Variants in NBEA observed in about 807,000 individuals in gnomAD.
NBEA encodes the protein neurobeachin, also known as lysosomal-trafficking regulator 2.
NBEA carries 44 observed loss-of-function variants against 343.4 expected under a neutral mutation model. That is an observed-to-expected ratio of 0.13 (90% confidence interval 0.10 to 0.16). NBEA has a LOEUF of 0.16. Ranked by LOEUF, NBEA falls within the 10% of genes least tolerant of loss-of-function variation. NBEA has a pLI of 1.00. For synonymous variants in NBEA, 1,175 were observed against 1,238.7 expected, an observed-to-expected ratio of 0.95 and a Z score of 1.08; for missense variants, 2,555 against 3,631.3, an observed-to-expected ratio of 0.70 and a Z score of 7.62.
At chr13:35,351,226 T>C (rs535469114) in intron 37 of NBEA, among the ~76,000 whole-genome samples, 1 of 152,002 alleles carries the variant, frequency 6.6e-6, no homozygotes, top group Non-Finnish European at 1.5e-5. Flanking sequence ...GTGAACTACT[T>C]CTATTTATTT....
intron 1 of NBEA, among the ~76,000 whole-genome samples, chr13:34,955,980 C>CATA (rs2059478148): frequency 6.6e-6 from 1 of 152,164 alleles, no homozygotes; most frequent in African/African-American, 2.4e-5. Flanking sequence ...CTAAAATTAA[C>CATA]CATCATAAGA....
intron 40 of NBEA, among the ~76,000 whole-genome samples, chr13:35,470,792 C>T (rs541767367): frequency 2.0e-5 from 3 of 152,314 alleles, no homozygotes; most frequent in Admixed American, 6.5e-5. Context: ...ACAGACCCTC[C>T]AATAAACACA....
chr13:35,485,136 T>C (rs573028179), intron 41 of NBEA, among the ~76,000 whole-genome samples: 1 of 152,220 alleles, frequency 6.6e-6, no homozygotes, highest in African/African-American at 2.4e-5. Flanking sequence ...CTTCAGCCAA[T>C]TGGAAGACTG....
chr13:35,123,705 T>C lies in NBEA; in HGVS notation c.2336+131T>C, dbSNP rs2066920588. 3 of 421,120 alleles carry C rather than the reference T, an allele frequency of 7.1e-6. No individual in the cohort carries two copies. The East Asian group carries it at 1.2e-4, about 17-fold the overall frequency. The allele number at this position is 421,120 out of a possible 1,614,324, so 26.1% of individuals were successfully genotyped here. A position where few individuals can be genotyped will look rare whatever the true frequency, so the allele number is the denominator to read the frequency against. The stretch of plus-strand genomic sequence containing the variant: ...AGCGGAAAATAATAGCTTTCTGTGG[T>C]AGAAATTGTAAAAATGTTTTATAAA... On this transcript the variant is annotated intron_variant, in intron 17 of 58. Coordinates refer to ENST00000379939, the MANE Select transcript of NBEA (RefSeq NM_001385012.1).
chr13:35,365,069 T>C (rs924012043), intron 38 of NBEA, among the ~76,000 whole-genome samples: 5 of 151,752 alleles, frequency 3.3e-5, no homozygotes, highest in African/African-American at 4.8e-5. Context: ...ATGTCTGTTA[T>C]TTGACATGAA....
Position 35,159,526 on chromosome 13 carries a change from A to G in NBEA, c.3355A>G (p.Lys1119Glu). The G allele has an allele frequency of 1.2e-6, 2 of 1,610,492 alleles. No individual in the cohort carries two copies. Among genetic ancestry groups the G allele is most frequent in the Non-Finnish European group, 1.7e-6 (2 of 1,178,300 alleles). ...TGTACATGGAAGTGTTGGTATCATT[A>G]AAAAAAATGAAGAAAAGGATAATGG... ...NNVHGSVGII[K>E]KNEEKDNGPL... The change falls in exon 22 of 59, where the codon AAA (lysine) becomes GAA (glutamate). Residue 1119 changes from lysine (K) to glutamate (E), a missense_variant. Around this residue, in one of 21 missense-constraint regions of NBEA, gnomAD observed 367 missense variants for 377.5 expected, o/e 0.97. Coordinates refer to ENST00000379939, the MANE Select transcript of NBEA (RefSeq NM_001385012.1).
intron 38 of NBEA, among the ~76,000 whole-genome samples, chr13:35,410,005 G>A (rs566805971): frequency 4.9e-4 from 75 of 151,816 alleles, no homozygotes; most frequent in Non-Finnish European, 7.9e-4. Flanking sequence ...TATTAGTGGG[G>A]GATCTTTTTG....
chr13:34,946,703 T>A (rs2059194646), intron 1 of NBEA, among the ~76,000 whole-genome samples: 1 of 150,922 alleles, frequency 6.6e-6, no homozygotes, highest in South Asian at 2.1e-4. Context: ...TCCTCTGATT[T>A]TTTTTTTTTT....
chr13:35,134,750 C>T (rs1217594376), intron 17 of NBEA, among the ~76,000 whole-genome samples: 3 of 151,620 alleles, frequency 2.0e-5, no homozygotes, highest in Admixed American at 6.6e-5. Flanking sequence ...CATGAAGAAA[C>T]GAGAAAAATA....
chr13:35,574,659 G>T (rs1593262657), intron 45 of NBEA, among the ~76,000 whole-genome samples: 1 of 152,082 alleles, frequency 6.6e-6, no homozygotes, highest in East Asian at 1.9e-4. Flanking sequence ...GCAGAGTCAG[G>T]AGGATTGCTT....
chr13:35,566,721 A>T (rs1423925994), intron 44 of NBEA, among the ~76,000 whole-genome samples, 184 bp from the exon 45 acceptor site: 1 of 152,226 alleles, frequency 6.6e-6, no homozygotes, highest in Non-Finnish European at 1.5e-5. Context: ...TAGTAATTCT[A>T]GTTACGTCTT....
At chr13:35,330,353 C>T (rs1733289343) in intron 36 of NBEA, among the ~76,000 whole-genome samples, 1 of 151,970 alleles carries the variant, frequency 6.6e-6, no homozygotes, top group Admixed American at 6.6e-5. Context: ...ATTTAAGTGG[C>T]ACTTTAGCTG....
chr13:35,139,492 A>G (rs2067947733), intron 17 of NBEA, among the ~76,000 whole-genome samples: 1 of 152,324 alleles, frequency 6.6e-6, no homozygotes, highest in African/African-American at 2.4e-5. Flanking sequence ...GTAAAAAAAA[A>G]TAGATTACAC....
chr13:35,488,638 C>T (rs2076389281), intron 41 of NBEA, among the ~76,000 whole-genome samples: 1 of 151,820 alleles, frequency 6.6e-6, no homozygotes, highest in Non-Finnish European at 1.5e-5. Flanking sequence ...AACCTTTTGA[C>T]AATAACAAGA....
chr13:35,537,786 G>T (rs914900513), intron 41 of NBEA, among the ~76,000 whole-genome samples: 5 of 152,152 alleles, frequency 3.3e-5, no homozygotes, highest in Non-Finnish European at 7.4e-5. Context: ...CTGAACAAAG[G>T]CCAGTGTGGC....
intron 18 of NBEA, among the ~76,000 whole-genome samples, chr13:35,147,349 A>G (rs1338566220): frequency 2.6e-5 from 4 of 152,238 alleles, no homozygotes; most frequent in African/African-American, 9.6e-5. Context: ...AGAGTGAGAA[A>G]GCCCAGAATT....
chr13:35,145,235 G>A (rs1333988247), intron 18 of NBEA, among the ~76,000 whole-genome samples: 1 of 152,172 alleles, frequency 6.6e-6, no homozygotes, highest in East Asian at 1.9e-4. Context: ...TAAATCATGG[G>A]ATCAAAATCT....
chr13:34,969,867 G>A (rs1423815916), intron 1 of NBEA, among the ~76,000 whole-genome samples: 1 of 151,860 alleles, frequency 6.6e-6, no homozygotes, highest in Non-Finnish European at 1.5e-5. Context: ...ATGCATGCAT[G>A]TGCCTCTGTA....
intron 10 of NBEA, among the ~76,000 whole-genome samples, chr13:35,086,734 A>T (rs1040228883): frequency 2.0e-5 from 3 of 151,392 alleles, no homozygotes; most frequent in Non-Finnish European, 4.4e-5. Flanking sequence ...ACATCTCCAC[A>T]CTCTTTTCCA....
Sources: gnomAD v4.1 joint callset for allele counts (sites outside exome capture counted in the v4.1 genomes callset) on GRCh38, gnomAD v4.1.1 for gene constraint, gnomAD v4.1.1 regional missense constraint, MANE v1.5 for transcripts, NCBI Gene and HGNC (gene_info 2026-07-23, HGNC 2026-07-21) for gene names.